The following SHROOM4 variants were observed in gnomAD, a reference collection of about 807,000 sequenced individuals.
The protein encoded by SHROOM4 is protein Shroom4.
SHROOM4 carries 17 observed loss-of-function variants against 80.3 expected under a neutral mutation model. The observed-to-expected ratio is 0.21, with a 90% CI of 0.14 to 0.32. The LOEUF (loss-of-function observed/expected upper bound fraction) is 0.32. Among genes scored for constraint, SHROOM4 ranks in the 10% least tolerant of loss-of-function variants. The pLI is 1.00. For synonymous variants in SHROOM4, 400 were observed against 437.5 expected, an observed-to-expected ratio of 0.91 and a Z score of 1.07; for missense variants, 993 against 1,140.3, an observed-to-expected ratio of 0.87 and a Z score of 1.86.
At chrX:50,796,930 A>T (rs1936026347) in intron 1 of SHROOM4, among the ~76,000 whole-genome samples, 1 of 109,312 alleles carries the variant, frequency 9.1e-6, no homozygotes, top group Admixed American at 9.8e-5. Flanking sequence ...GTATGAGGTA[A>T]AAAAGAAATA....
Position 50,635,168 on chromosome X carries a change from A to C in SHROOM4, c.905T>G (p.Val302Gly). 1 of 1,207,393 alleles carries C rather than the reference A, an allele frequency of 8.3e-7. No homozygotes were observed. Among genetic ancestry groups the C allele is most frequent in the Non-Finnish European group, 1.1e-6 (1 of 893,082 alleles). ...NGEQRRASEP[V>G]VPLPQKEKLS... ...TTTCTCCTTCTGTGGCAAGGGGACC[A>C]CAGGCTCAGATGCCCTGCGCTGCTC... The change falls in exon 4 of 9, where the codon GTG (valine) becomes GGG (glycine). Residue 302 changes from valine (V) to glycine (G), a missense_variant. Transcript: ENST00000376020.
At chrX:50,722,035 A>T (rs1934125697) in intron 1 of SHROOM4, among the ~76,000 whole-genome samples, 1 of 111,120 alleles carries the variant, frequency 9.0e-6, no homozygotes, top group Non-Finnish European at 1.9e-5. Flanking sequence ...CCCACATTGC[A>T]TGGCAATTCC....
At chrX:50,716,820 G>C (rs1192587665) in intron 1 of SHROOM4, among the ~76,000 whole-genome samples, 2 of 112,267 alleles carry the variant, frequency 1.8e-5, no homozygotes, top group Non-Finnish European at 3.8e-5. Context: ...ACTTCAACTG[G>C]AGAACAAAGT....
chrX:50,706,963 C>T (rs892936513), intron 1 of SHROOM4, among the ~76,000 whole-genome samples: 7 of 111,697 alleles, frequency 6.3e-5, no homozygotes, highest in African/African-American at 2.3e-4. Context: ...CAAGCCCTCA[C>T]AAACAGACCA....
At position 50,587,481 on chromosome X, in the gene SHROOM4, A is replaced by C. The variant is rs1205482980; in HGVS notation, c.*9214T>G. Among the ~76,000 whole-genome samples, 1 of 112,380 alleles carries C rather than the reference A, an allele frequency of 8.9e-6. No homozygotes were observed. The highest frequency in any genetic ancestry group is 1.9e-5 in the Non-Finnish European group (1 of 53,244). On this transcript the variant is annotated 3_prime_UTR_variant, in exon 9 of 9. Transcript: ENST00000376020. ...TCTCTGGTGAAAATTAATGCAAAAA[A>C]TATTTTAGTTACTGCAGTAGCAAAG... is the stretch of plus-strand genomic sequence containing the variant.
chrX:50,719,660 A>G (rs1461928503), intron 1 of SHROOM4, among the ~76,000 whole-genome samples: 1 of 112,508 alleles, frequency 8.9e-6, no homozygotes, highest in Non-Finnish European at 1.9e-5. Context: ...AACACTTACT[A>G]AAGTGTTGTT....
chrX:50,618,303 CCTTCCT>C (rs1930364387), intron 5 of SHROOM4, among the ~76,000 whole-genome samples: 1 of 240 alleles, frequency 4.2e-3, no homozygotes, highest in African/African-American at 0.014. Flanking sequence ...TTCCTTCCTT[CCTTCCT>C]TCCTTCCTTC....
intron 1 of SHROOM4, among the ~76,000 whole-genome samples, chrX:50,775,429 T>C (rs1460683341): frequency 9.0e-6 from 1 of 111,234 alleles, no homozygotes; most frequent in African/African-American, 3.3e-5. Flanking sequence ...ATCCTAGGCA[T>C]GAATACAAAG....
intron 2 of SHROOM4, among the ~76,000 whole-genome samples, chrX:50,672,710 C>T (rs1359103579): frequency 9.0e-6 from 1 of 111,021 alleles, no homozygotes; most frequent in Non-Finnish European, 1.9e-5. Context: ...AGGATAAACC[C>T]AAAGAAATTC....
Position 50,638,312 on chromosome X carries a change from C to T in SHROOM4, c.270-4G>A. On this transcript the variant is annotated splice_polypyrimidine_tract_variant and splice_region_variant and intron_variant, in intron 2 of 8. Transcript: ENST00000376020. ...CCTACTGACAGGGGCGTTCCTCCTA[C>T]AGCAAGAAAGGGACAGGAAGTGGGC... 8.3e-7 allele frequency: 1 copy of T among 1,211,758 alleles called. No homozygotes were observed. Among genetic ancestry groups the T allele is most frequent in the Non-Finnish European group, 1.1e-6 (1 of 895,356 alleles).
At chrX:50,717,792 G>T (rs1350839485) in intron 1 of SHROOM4, among the ~76,000 whole-genome samples, 3 of 111,821 alleles carry the variant, frequency 2.7e-5, no homozygotes, top group Non-Finnish European at 1.9e-5. Flanking sequence ...CAGCACTGTG[G>T]GTAAGGAAAA....
Position 50,635,574 on chromosome X carries a change from G to T in SHROOM4, c.499C>A (p.Gln167Lys). ...AACAGATGGCTCTCATAGGTGGCTT[G>T]GCCTGGTTGCTCCAGGCTCTCCATG... is the stretch of plus-strand genomic sequence containing the variant. Reference protein sequence around the residue: ...GSMESLEQPGQATYESHLLPI... With the variant: ...GSMESLEQPGKATYESHLLPI... Residue 167 changes from glutamine (Q) to lysine (K), a missense_variant, in exon 4 of 9, where the codon CAA becomes AAA. Physicochemically the swap from Gln to Lys is moderately conservative, Grantham distance 53. Transcript: ENST00000376020. The T allele has an allele frequency of 8.3e-7, 1 of 1,210,338 alleles. No homozygotes were observed. Among genetic ancestry groups the T allele is most frequent in the Non-Finnish European group, 1.1e-6 (1 of 895,117 alleles).
chrX:50,640,362 T>C (rs1931543497), intron 2 of SHROOM4, among the ~76,000 whole-genome samples: 1 of 109,951 alleles, frequency 9.1e-6, no homozygotes, highest in South Asian at 4.0e-4. Flanking sequence ...CTTTTTTTTA[T>C]GATGTTTCTC....
At chrX:50,603,916 T>A (rs1929556096) in intron 6 of SHROOM4, among the ~76,000 whole-genome samples, 1 of 111,487 alleles carries the variant, frequency 9.0e-6, no homozygotes, top group Admixed American at 9.5e-5. Flanking sequence ...CTCACTATAT[T>A]CTCATTGCCT....
At chrX:50,774,649 T>A (rs1935466222) in intron 1 of SHROOM4, among the ~76,000 whole-genome samples, 1 of 103,484 alleles carries the variant, frequency 9.7e-6, no homozygotes. Context: ...TGTCACAGGG[T>A]CATAAAATTA....
At chrX:50,582,237 A>G (rs1014585977), downstream of SHROOM4, among the ~76,000 whole-genome samples, 4 of 111,800 alleles carry the variant, frequency 3.6e-5, no homozygotes, top group African/African-American at 1.3e-4. Flanking sequence ...GTGAGCTTGG[A>G]AGTGGATCCT....
intron 1 of SHROOM4, among the ~76,000 whole-genome samples, chrX:50,747,918 T>C (rs9887134): frequency 0.19 from 21,336 of 110,966 alleles, 1,849 homozygotes; most frequent in East Asian, 0.36. Flanking sequence ...TATTACCCTA[T>C]AAAGGAAGGA....
intron 1 of SHROOM4, among the ~76,000 whole-genome samples, chrX:50,800,711 G>A (rs782004693): frequency 3.6e-5 from 4 of 111,282 alleles, no homozygotes; most frequent in Non-Finnish European, 5.7e-5. Context: ...GGGCCTGGAA[G>A]GATTGCTAAG....
intron 1 of SHROOM4, among the ~76,000 whole-genome samples, chrX:50,716,999 C>T (rs953942199): frequency 1.8e-5 from 2 of 112,371 alleles, no homozygotes; most frequent in Non-Finnish European, 3.8e-5. Flanking sequence ...TCGTACCTGA[C>T]GTACGATGCC....
Sources: allele counts gnomAD v4.1 joint callset (sites outside exome capture counted in the v4.1 genomes callset), GRCh38; gene constraint gnomAD v4.1.1; transcripts MANE v1.5; gene names NCBI Gene and HGNC (gene_info 2026-07-23, HGNC 2026-07-21).